The following DCLRE1C variants were observed in gnomAD, a reference collection of about 807,000 sequenced individuals.
DCLRE1C encodes the protein protein artemis.
A neutral mutation model predicts 61.4 loss-of-function variants in DCLRE1C; 47 were observed. The observed-to-expected ratio is 0.77, with a 90% CI of 0.61 to 0.98. The LOEUF is 0.98. Among genes scored for constraint, DCLRE1C ranks in the 50% least tolerant of loss-of-function variants. The pLI, the probability that DCLRE1C is intolerant of heterozygous loss-of-function variation, is 0.00. For missense variants in DCLRE1C, 858 were observed against 816.0 expected (o/e 1.05, Z -0.63); for synonymous variants, 337 against 287.6 (o/e 1.17, Z -1.74).
At chr10:14,939,698 T>C in intron 4 of DCLRE1C, 112 bp downstream of exon 4, 1 of 849,500 alleles carries the variant, frequency 1.2e-6, no homozygotes, top group Non-Finnish European at 1.8e-6. Flanking sequence ...AAGAGAAAGA[T>C]TGAGGGTATA....
chr10:14,917,486 T>TA (rs113114583), intron 13 of DCLRE1C, among the ~76,000 whole-genome samples: 3,473 of 140,970 alleles, frequency 0.025, 101 homozygotes, highest in African/African-American at 0.067. Context: ...CTGATATATT[T>TA]AAAAAAAAAA....
intron 2 of DCLRE1C, among the ~76,000 whole-genome samples, chr10:14,946,074 C>T (rs950159136): frequency 2.0e-5 from 3 of 149,936 alleles, no homozygotes; most frequent in Admixed American, 6.7e-5. Context: ...GTGGCGCGAT[C>T]TCGGCTCAAA....
At chr10:14,910,150 C>CATAG (rs1835009465) in intron 13 of DCLRE1C, among the ~76,000 whole-genome samples, 1 of 152,092 alleles carries the variant, frequency 6.6e-6, no homozygotes, top group Non-Finnish European at 1.5e-5. Flanking sequence ...TATAAAGGAC[C>CATAG]ATAGAGACCA....
Position 14,908,520 on chromosome 10 carries a change from G to A in DCLRE1C, c.1967C>T (p.Thr656Ile), listed in dbSNP as rs141357439. Residue 656 changes from threonine to isoleucine, a missense_variant, in exon 14 of 14, where the codon ACT (threonine) becomes ATT (isoleucine). Physicochemically the swap from Thr to Ile is moderately conservative, Grantham distance 89 (BLOSUM62 -1). This residue lies in a region of DCLRE1C where 843 missense variants were observed against 783.5 expected (regional missense o/e 1.08). Transcript: ENST00000378278. The stretch of plus-strand genomic sequence containing the variant: ...TCGTTTAGGTAACTCAGCTTCTGGA[G>A]TTGAGGGAACTTCAAAATCAGAAGA... ...QSSSDFEVPS[T>I]PEAELPKREH... 73 of 1,614,094 alleles carry A rather than the reference G, an allele frequency of 4.5e-5. No individual in the cohort carries two copies. In the African/African-American group the frequency reaches 9.2e-4, roughly 20 times the overall value.
intron 9 of DCLRE1C, among the ~76,000 whole-genome samples, chr10:14,931,243 G>C (rs1589039540): frequency 6.6e-6 from 1 of 152,190 alleles, no homozygotes; most frequent in Non-Finnish European, 1.5e-5. Context: ...TTTGACAAGA[G>C]AAGGAGGTTC....
intron 13 of DCLRE1C, among the ~76,000 whole-genome samples, chr10:14,915,883 C>T (rs1352847693): frequency 6.6e-6 from 1 of 151,990 alleles, no homozygotes; most frequent in Non-Finnish European, 1.5e-5. Flanking sequence ...AAATTCTTAC[C>T]ATAATACTTA....
At chr10:14,933,455 G>A (rs1839361010) in intron 8 of DCLRE1C, among the ~76,000 whole-genome samples, 1 of 152,182 alleles carries the variant, frequency 6.6e-6, no homozygotes, top group Admixed American at 6.5e-5. Context: ...TGGCCAACAT[G>A]GTGAAGCCCC....
intron 2 of DCLRE1C, among the ~76,000 whole-genome samples, chr10:14,947,851 G>C (rs1168558232): frequency 6.6e-6 from 1 of 152,154 alleles, no homozygotes; most frequent in African/African-American, 2.4e-5. Context: ...CTTGAGGTCA[G>C]GAGTTCGAGA....
At chr10:14,926,011 T>C (rs1696571969) in intron 11 of DCLRE1C, among the ~76,000 whole-genome samples, 1 of 152,206 alleles carries the variant, frequency 6.6e-6, no homozygotes, top group Admixed American at 6.5e-5. Context: ...ACTTTCACTC[T>C]GCACTTCTTG....
downstream of DCLRE1C, among the ~76,000 whole-genome samples, chr10:14,901,827 T>TG (rs1834042278): frequency 6.7e-6 from 1 of 150,006 alleles, no homozygotes; most frequent in Non-Finnish European, 1.5e-5. Flanking sequence ...AGACCCTGTC[T>TG]GAAAAAAAAA....
At position 14,908,165 on chromosome 10, in the gene DCLRE1C, C is replaced by CTT. The variant is rs750020058; in HGVS notation, c.*241_*242dup. On this transcript the variant is annotated 3_prime_UTR_variant, in exon 14 of 14. Coordinates refer to ENST00000378278, the MANE Select transcript of DCLRE1C (RefSeq NM_001033855.3). ...CAGAGTAGCCCACCACCATGCCTGG[C>CTT]TTTTTTTTTTTTTTTTTTTTTTGTA... The CTT allele has an allele frequency of 1.9e-3, 383 of 197,822 alleles. 20 individuals carry two copies. The highest frequency in any genetic ancestry group is 2.4e-3 in the South Asian group (41 of 17,230). The allele number at this position is 197,822 out of a possible 1,614,324, so 12.3% of individuals were successfully genotyped here. A position where few individuals can be genotyped will look rare whatever the true frequency, so the allele number is the denominator to read the frequency against.
At chr10:14,903,673 G>A (rs1195379625), downstream of DCLRE1C, 2 of 152,150 alleles carry the variant, frequency 1.3e-5, no homozygotes, top group African/African-American at 4.8e-5. Context: ...AAGGGAGTGG[G>A]AGGCTTCCAA....
chr10:14,901,837 A>T (rs1834043409), downstream of DCLRE1C, among the ~76,000 whole-genome samples: 1 of 150,710 alleles, frequency 6.6e-6, no homozygotes, highest in Non-Finnish European at 1.5e-5. Flanking sequence ...TGAAAAAAAA[A>T]ACTATAAGCC....
At position 14,945,285 on chromosome 10, in the gene DCLRE1C, T is replaced by C. The variant is rs1205898837; in HGVS notation, c.162-96A>G. The C allele has an allele frequency of 9.8e-6, 14 of 1,426,134 alleles. No individual in the cohort carries two copies. In the Admixed American group the frequency reaches 2.9e-4, roughly 29 times the overall value. The allele number at this position is 1,426,134 out of a possible 1,614,324, so 88.3% of individuals were successfully genotyped here. A position where few individuals can be genotyped will look rare whatever the true frequency, so the allele number is the denominator to read the frequency against. On this transcript the variant is annotated intron_variant, in intron 2 of 13. Transcript: ENST00000378278. ...TTCATCATACATCTAATAATTTCATTTGAGACCAGTCTGACCAACATGGTG... is the reference window on the plus strand; with the variant it reads ...TTCATCATACATCTAATAATTTCATCTGAGACCAGTCTGACCAACATGGTG...
intron 4 of DCLRE1C, among the ~76,000 whole-genome samples, chr10:14,938,320 G>C (rs1840312574): frequency 6.6e-6 from 1 of 151,736 alleles, no homozygotes; most frequent in Admixed American, 6.6e-5. Context: ...GCAGAGTCCA[G>C]GATGGCATTT....
At chr10:14,946,667 ATT>A (rs34082024) in intron 2 of DCLRE1C, among the ~76,000 whole-genome samples, 142 of 148,942 alleles carry the variant, frequency 9.5e-4, no homozygotes, top group African/African-American at 3.0e-3. Context: ...CGCTAAAGAG[ATT>A]TTTTTTTTTA....
rs1834410070 is a variant in DCLRE1C at position 14,906,566 on chromosome 10, G to A, written c.*1842C>T. ...TAGTTAACAGTGAATATATACAAAT[G>A]TGTATAGTTATGTGTATACTAACTC... On this transcript the variant is annotated 3_prime_UTR_variant, in exon 14 of 14. Transcript: ENST00000378278. 6.6e-6 allele frequency among the ~76,000 whole-genome samples: 1 copy of A among 152,250 alleles called. No homozygotes were observed. The highest frequency in any genetic ancestry group is 2.4e-5 in the African/African-American group (1 of 41,466).
intron 13 of DCLRE1C, among the ~76,000 whole-genome samples, chr10:14,911,577 T>C (rs1204152181): frequency 1.3e-5 from 2 of 152,192 alleles, no homozygotes; most frequent in Non-Finnish European, 2.9e-5. Context: ...TCAAATAGTT[T>C]CTTAGATATG....
chr10:14,919,687 G>T, intron 13 of DCLRE1C, 51 bp downstream of exon 13: 1 of 1,385,926 alleles, frequency 7.2e-7, no homozygotes, highest in Non-Finnish European at 1.0e-6. Context: ...TCCCTGGAAA[G>T]CAGTGTTTGC....
Sources: allele counts gnomAD v4.1 joint callset (sites outside exome capture counted in the v4.1 genomes callset), GRCh38; gene constraint gnomAD v4.1.1; regional missense constraint gnomAD v4.1.1; transcripts MANE v1.5; gene names NCBI Gene and HGNC (gene_info 2026-07-23, HGNC 2026-07-21).